Variants in PDE10A observed in about 807,000 individuals in gnomAD.
The protein encoded by PDE10A is cAMP and cAMP-inhibited cGMP 3',5'-cyclic phosphodiesterase 10A.
Under a neutral mutation model 97.7 loss-of-function variants are expected in PDE10A, and 39 were observed. The ratio of observed to expected loss-of-function variants is 0.40; its 90% CI spans 0.31 to 0.52. The LOEUF is 0.52. Ranked by LOEUF, PDE10A falls within the 20% of genes least tolerant of loss-of-function variation. The probability of loss-of-function intolerance (pLI) is 0.56; values close to 1 mark genes in which losing one functional copy is unlikely to be tolerated. For synonymous variants in PDE10A, 371 were observed against 376.8 expected, an observed-to-expected ratio of 0.98 and a Z score of 0.18; for missense variants, 731 against 1,047.8, an observed-to-expected ratio of 0.70 and a Z score of 4.17.
chr6:165,739,430 A>G (rs1309131491), intron 1 of PDE10A, among the ~76,000 whole-genome samples: 1 of 152,248 alleles, frequency 6.6e-6, no homozygotes, highest in Non-Finnish European at 1.5e-5. Context: ...AAAGCTGGAT[A>G]TTCACAGCCA....
At chr6:165,386,848 A>C (rs371192612) in intron 17 of PDE10A, among the ~76,000 whole-genome samples, 92 of 114,818 alleles carry the variant, frequency 8.0e-4, no homozygotes, top group Middle Eastern at 4.7e-3. Flanking sequence ...TAAAAAAAAA[A>C]AAAATACAAA....
At chr6:165,610,356 C>A (rs986088697) in intron 1 of PDE10A, among the ~76,000 whole-genome samples, 2 of 151,910 alleles carry the variant, frequency 1.3e-5, no homozygotes, top group Non-Finnish European at 2.9e-5. Context: ...ATGGTGAAAC[C>A]CCATTTCTAC....
At chr6:165,893,763 T>C (rs1407484506) in intron 1 of PDE10A, among the ~76,000 whole-genome samples, 1 of 152,090 alleles carries the variant, frequency 6.6e-6, no homozygotes, top group Non-Finnish European at 1.5e-5. Context: ...TGAGTGGGAT[T>C]GAACGGTCCA....
At chr6:165,647,748 C>T (rs1789473213) in intron 1 of PDE10A, among the ~76,000 whole-genome samples, 1 of 152,162 alleles carries the variant, frequency 6.6e-6, no homozygotes, top group Admixed American at 6.5e-5. Flanking sequence ...GACTGAAGCC[C>T]CTTTGGACGT....
chr6:165,699,649 C>A (rs1791521066), intron 1 of PDE10A, among the ~76,000 whole-genome samples: 1 of 152,016 alleles, frequency 6.6e-6, no homozygotes. Context: ...TTTTCTCCAG[C>A]AACAATGGAA....
intron 13 of PDE10A, 114 bp from the exon 14 acceptor site, chr6:165,396,573 G>C (rs1786180372): frequency 1.0e-6 from 1 of 1,000,862 alleles, no homozygotes; most frequent in Non-Finnish European, 1.5e-6. Flanking sequence ...TAAAACCAAA[G>C]TGGATTTATT....
chr6:165,825,407 T>C (rs907896538), intron 1 of PDE10A, among the ~76,000 whole-genome samples: 2 of 152,166 alleles, frequency 1.3e-5, no homozygotes, highest in African/African-American at 4.8e-5. Flanking sequence ...TCACTCATGC[T>C]AGCAGGCCTC....
intron 1 of PDE10A, among the ~76,000 whole-genome samples, chr6:165,772,230 C>G (rs1778032669): frequency 6.6e-6 from 1 of 152,138 alleles, no homozygotes; most frequent in African/African-American, 2.4e-5. Context: ...TTGACAAAAA[C>G]TCAACATTAT....
intron 2 of PDE10A, among the ~76,000 whole-genome samples, chr6:165,503,249 A>C (rs1019288823): frequency 6.6e-6 from 1 of 152,146 alleles, no homozygotes; most frequent in Non-Finnish European, 1.5e-5. Flanking sequence ...AACAACTTCA[A>C]GGTTATTCCT....
chr6:165,379,002 A>G (rs181195248), intron 18 of PDE10A, among the ~76,000 whole-genome samples, 192 bp downstream of exon 18: 6 of 152,206 alleles, frequency 3.9e-5, no homozygotes, highest in Non-Finnish European at 5.9e-5. Flanking sequence ...CTCACTAGAC[A>G]TTGCCAGCAA....
At chr6:165,349,577 G>A (rs977898371) in intron 18 of PDE10A, among the ~76,000 whole-genome samples, 5 of 152,212 alleles carry the variant, frequency 3.3e-5, no homozygotes, top group Non-Finnish European at 7.3e-5. Flanking sequence ...ATTCAAGCCA[G>A]CTGCAGAAAT....
intron 1 of PDE10A, among the ~76,000 whole-genome samples, chr6:165,816,319 C>G (rs1779410572): frequency 6.6e-6 from 1 of 152,186 alleles, no homozygotes; most frequent in African/African-American, 2.4e-5. Context: ...CTTGAATAAC[C>G]ATTCAGTTAA....
intron 1 of PDE10A, among the ~76,000 whole-genome samples, chr6:165,725,034 G>A (rs76142251): frequency 2.3e-3 from 353 of 152,322 alleles, no homozygotes; most frequent in Non-Finnish European, 4.0e-3. Context: ...GAACGATGTG[G>A]ACGCCGAGGG....
chr6:165,916,638 T>C (rs538684990), intron 1 of PDE10A, among the ~76,000 whole-genome samples: 3 of 152,342 alleles, frequency 2.0e-5, no homozygotes, highest in Non-Finnish European at 2.9e-5. Context: ...TCCACATGCA[T>C]ACTAAGCTTT....
rs1415664313 is a variant in PDE10A, at chr6:165,329,112, G to A, written c.*3913C>T. 2.6e-5 allele frequency: 4 copies of A among 152,226 alleles called. No individual in the cohort carries two copies. The highest frequency in any genetic ancestry group is 5.9e-5 in the Non-Finnish European group (4 of 68,044). 9.4% of individuals were successfully genotyped at this position (152,226 alleles called of 1,614,324 possible). On this transcript the variant is annotated 3_prime_UTR_variant, in exon 22 of 22. Coordinates refer to ENST00000539869, the MANE Select transcript of PDE10A (RefSeq NM_001385079.1). The stretch of plus-strand genomic sequence containing the variant: ...AAATCCTAAATAAAATCTGCAAAGT[G>A]TAGAAAGCAAACATATGTTCGAAAT...
At chr6:165,712,290 C>T (rs186751276) in intron 1 of PDE10A, among the ~76,000 whole-genome samples, 10 of 152,228 alleles carry the variant, frequency 6.6e-5, no homozygotes, top group South Asian at 2.1e-4. Context: ...AGTGATTAGC[C>T]GAATGCCCGA....
At chr6:165,441,450 G>A (rs759582319) in intron 5 of PDE10A, among the ~76,000 whole-genome samples, 11 of 152,110 alleles carry the variant, frequency 7.2e-5, no homozygotes, top group African/African-American at 1.2e-4. Context: ...CAGCATTTAT[G>A]GTGTAACATT....
chr6:165,608,543 G>C (rs1401664179), intron 1 of PDE10A, among the ~76,000 whole-genome samples: 6 of 151,936 alleles, frequency 3.9e-5, no homozygotes, highest in Non-Finnish European at 8.8e-5. Flanking sequence ...CCAAGTCTTT[G>C]CTATTGTGAA....
chr6:165,950,405 G>C (rs1480900360), intron 1 of PDE10A, among the ~76,000 whole-genome samples: 1 of 152,178 alleles, frequency 6.6e-6, no homozygotes, highest in Admixed American at 6.5e-5. Context: ...GGAATTTTTA[G>C]CTTCTGATTT....
Sources: allele counts gnomAD v4.1 joint callset (sites outside exome capture counted in the v4.1 genomes callset), GRCh38; gene constraint gnomAD v4.1.1; transcripts MANE v1.5; gene names NCBI Gene and HGNC (gene_info 2026-07-23, HGNC 2026-07-21).